The following CDKL2 variants were observed in gnomAD, a reference collection of about 807,000 sequenced individuals.
CDKL2 encodes cyclin-dependent kinase-like 2.
Under a neutral mutation model 63.9 loss-of-function variants are expected in CDKL2, and 64 were observed. That is an observed-to-expected ratio of 1.00 (90% CI 0.82 to 1.23). The LOEUF is 1.23. CDKL2 is among the 50% of genes most tolerant of loss of function. The pLI is 0.00. For missense variants in CDKL2, 656 were observed against 668.0 expected (o/e 0.98, Z 0.20); for synonymous variants, 211 against 229.2 (o/e 0.92, Z 0.72).
At chr4:75,590,394 T>C (rs1728667506) in intron 12 of CDKL2, among the ~76,000 whole-genome samples, 1 of 152,330 alleles carries the variant, frequency 6.6e-6, no homozygotes, top group African/African-American at 2.4e-5. Context: ...CACTACTCCT[T>C]TGTAGAGCTC....
At chr4:75,618,699 C>G (rs182635139) in intron 2 of CDKL2, among the ~76,000 whole-genome samples, 2 of 152,226 alleles carry the variant, frequency 1.3e-5, no homozygotes, top group Admixed American at 1.3e-4. Context: ...CTAATTTTGA[C>G]ATCAAGTAAC....
intron 13 of CDKL2, 46 bp from the exon 14 acceptor site, chr4:75,579,224 T>G (rs1046199562): frequency 2.0e-5 from 3 of 152,250 alleles, no homozygotes; most frequent in Non-Finnish European, 4.4e-5. Flanking sequence ...ACAAAAAATC[T>G]TTCTAAAAAT....
At chr4:75,593,187 G>A (rs1054529453) in intron 10 of CDKL2, among the ~76,000 whole-genome samples, 19 of 151,998 alleles carry the variant, frequency 1.3e-4, no homozygotes, top group African/African-American at 4.1e-4. Context: ...TAGAACAAGC[G>A]CTAAGGCTAT....
At chr4:75,602,888 G>A (rs965397134) in intron 6 of CDKL2, among the ~76,000 whole-genome samples, 1 of 150,798 alleles carries the variant, frequency 6.6e-6, no homozygotes, top group Non-Finnish European at 1.5e-5. Context: ...TATTTTAAAT[G>A]TTAAACGTAA....
rs1560570563 is a variant in CDKL2, at chr4:75,581,877, CT to C, written c.1668del (p.Asp557MetfsTer64). Reference sequence around the variant, plus strand: ...TGAGGCAAATCAGCCCCTGAATCATCTGACAGGGGAGGTCCTGATACCTATA... The same window carrying C: ...TGAGGCAAATCAGCCCCTGAATCATCGACAGGGGAGGTCCTGATACCTATA... The part of the protein sequence containing the change: ...TLHQVSGPPL[S>X]DDSGADLPQM... On this transcript the variant is annotated frameshift_variant, in exon 13 of 14. Coordinates refer to ENST00000307465, the MANE Select transcript of CDKL2 (RefSeq NM_001330724.2). LOFTEE classifies it high-confidence loss of function. 6.2e-7 allele frequency: 1 copy of C among 1,612,156 alleles called. No individual in the cohort carries two copies.
Position 75,614,457 on chromosome 4 carries a change from TA to T in CDKL2, c.169-9del. ...GTTTTCATGCCTAAGTTGCTGTTATTAAAAAATGCAAAATAGCTGTTATTTA... is the reference window on the plus strand; with the variant it reads ...GTTTTCATGCCTAAGTTGCTGTTATTAAAAATGCAAAATAGCTGTTATTTA... On this transcript the variant is annotated splice_polypyrimidine_tract_variant and intron_variant, in intron 2 of 13. Coordinates refer to ENST00000307465, the MANE Select transcript of CDKL2 (RefSeq NM_001330724.2). 6.5e-7 allele frequency: 1 copy of T among 1,531,400 alleles called. No individual in the cohort carries two copies. The highest frequency in any genetic ancestry group is 1.3e-5 in the South Asian group (1 of 77,536). 94.9% of individuals were successfully genotyped at this position (1,531,400 alleles called of 1,614,324 possible). A position where few individuals can be genotyped will look rare whatever the true frequency, so the allele number is the denominator to read the frequency against.
chr4:75,621,817 A>G (rs923676598), intron 2 of CDKL2, among the ~76,000 whole-genome samples: 9 of 152,226 alleles, frequency 5.9e-5, no homozygotes, highest in African/African-American at 2.2e-4. Context: ...TGCTTTAAGC[A>G]TAAGGAAATT....
chr4:75,620,552 G>T (rs1338908865), intron 2 of CDKL2, among the ~76,000 whole-genome samples: 1 of 152,098 alleles, frequency 6.6e-6, no homozygotes, highest in Non-Finnish European at 1.5e-5. Context: ...AGAAAAGCTG[G>T]ACAAAATATA....
chr4:75,592,611 A>T (rs1728764493), intron 10 of CDKL2, among the ~76,000 whole-genome samples: 1 of 152,192 alleles, frequency 6.6e-6, no homozygotes, highest in Non-Finnish European at 1.5e-5. Flanking sequence ...CGGGCCTTAC[A>T]CTTCCTAGGC....
chr4:75,607,256 C>A lies in CDKL2; in HGVS notation c.469G>T (p.Val157Phe), dbSNP rs757037528. 6.2e-7 allele frequency: 1 copy of A among 1,614,014 alleles called. No individual in the cohort carries two copies. Among genetic ancestry groups the A allele is most frequent in the Non-Finnish European group, 8.5e-7 (1 of 1,179,988 alleles). ...CGGGTTGCCACATAATCAGTATAAA[C>A]CTCCCCAGGAGCTGCCAATGTTCGC... ...FARTLAAPGE[V>F]YTDYVATRWY... Residue 157 changes from valine to phenylalanine, a missense_variant, in exon 4 of 14, where the codon GTT becomes TTT. Physicochemically the swap from Val to Phe is conservative, Grantham distance 50. Coordinates refer to ENST00000307465, the MANE Select transcript of CDKL2 (RefSeq NM_001330724.2).
At chr4:75,603,024 G>C (rs146972684) in intron 6 of CDKL2, among the ~76,000 whole-genome samples, 20,359 of 119,394 alleles carry the variant, frequency 0.17, 1,643 homozygotes, top group South Asian at 0.37. Context: ...ACGGAGTCTC[G>C]CTCTGTCGCC....
chr4:75,620,598 T>C (rs1730112822), intron 2 of CDKL2, among the ~76,000 whole-genome samples: 1 of 152,098 alleles, frequency 6.6e-6, no homozygotes, highest in Non-Finnish European at 1.5e-5. Flanking sequence ...AAAGATAATA[T>C]AGTAAAAAAT....
rs537812553 is a variant in CDKL2, at chr4:75,607,973, C to T, written c.364-612G>A. On this transcript the variant is annotated intron_variant, in intron 3 of 13. Coordinates refer to ENST00000307465, the MANE Select transcript of CDKL2 (RefSeq NM_001330724.2). ...GACTACTGGCGCCTGCCACCACGCC[C>T]GGCTAATTTTTTGTATTTTTAGTAC... 2.1e-3 allele frequency among the ~76,000 whole-genome samples: 323 copies of T among 151,706 alleles called. 1 individual carries two copies. Among genetic ancestry groups the T allele is most frequent in the African/African-American group, 6.9e-3 (285 of 41,336 alleles).
At chr4:75,604,788 A>G (rs1729350716) in intron 5 of CDKL2, among the ~76,000 whole-genome samples, 1 of 152,212 alleles carries the variant, frequency 6.6e-6, no homozygotes, top group Non-Finnish European at 1.5e-5. Flanking sequence ...GAAATGCACA[A>G]CCTCTGCTCT....
intron 1 of CDKL2, among the ~76,000 whole-genome samples, chr4:75,626,615 C>A (rs1178006917): frequency 1.4e-5 from 2 of 143,560 alleles, no homozygotes; most frequent in Non-Finnish European, 3.0e-5. Context: ...TGCAGTGAGC[C>A]AAGATCACAC....
chr4:75,581,715 G>A, intron 13 of CDKL2, 95 bp downstream of exon 13: 1 of 625,658 alleles, frequency 1.6e-6, no homozygotes, highest in Non-Finnish European at 2.9e-6. Flanking sequence ...ATCAATCACT[G>A]GAGACGGTTT....
At chr4:75,600,197 A>G in intron 7 of CDKL2, 84 bp downstream of exon 7, 2 of 850,778 alleles carry the variant, frequency 2.4e-6, no homozygotes, top group South Asian at 3.2e-5. Flanking sequence ...GGGAACAGAA[A>G]TAAGAGAAGT....
intron 12 of CDKL2, among the ~76,000 whole-genome samples, chr4:75,588,674 A>G (rs1402572127): frequency 6.6e-6 from 1 of 152,220 alleles, no homozygotes; most frequent in Non-Finnish European, 1.5e-5. Context: ...ACATATGTCT[A>G]TGTACCTAGC....
intron 10 of CDKL2, among the ~76,000 whole-genome samples, chr4:75,592,770 G>A (rs1728769980): frequency 6.6e-6 from 1 of 152,066 alleles, no homozygotes; most frequent in Non-Finnish European, 1.5e-5. Context: ...GCTCCTCAGA[G>A]TTAGAATATA....
Sources: gnomAD v4.1 joint callset for allele counts (sites outside exome capture counted in the v4.1 genomes callset) on GRCh38, gnomAD v4.1.1 for gene constraint, MANE v1.5 for transcripts, NCBI Gene and HGNC (gene_info 2026-07-23, HGNC 2026-07-21) for gene names.